The following NAALADL2 variants were observed in gnomAD, a reference collection of about 807,000 sequenced individuals.
The protein encoded by NAALADL2 is inactive N-acetylated-alpha-linked acidic dipeptidase-like protein 2.
Under a neutral mutation model 87.2 loss-of-function variants are expected in NAALADL2, and 76 were observed. The observed-to-expected ratio is 0.87, with a 90% CI of 0.72 to 1.05. The LOEUF is 1.05. NAALADL2 is among the 50% of genes least tolerant of loss of function. The pLI, the probability that NAALADL2 is intolerant of heterozygous loss-of-function variation, is 0.00. For synonymous variants in NAALADL2, 354 were observed against 331.0 expected, an observed-to-expected ratio of 1.07 and a Z score of -0.75; for missense variants, 1,089 against 945.8, an observed-to-expected ratio of 1.15 and a Z score of -1.99.
intron 4 of NAALADL2, among the ~76,000 whole-genome samples, chr3:175,312,094 G>T (rs192500501): frequency 3.3e-5 from 5 of 152,184 alleles, no homozygotes; most frequent in Admixed American, 2.0e-4. Flanking sequence ...AATCTTACAA[G>T]AATTTTTAGT....
intron 2 of NAALADL2, among the ~76,000 whole-genome samples, chr3:174,734,085 C>T (rs959968216): frequency 3.9e-5 from 6 of 152,012 alleles, no homozygotes; most frequent in Non-Finnish European, 5.9e-5. Context: ...TTTTCATTTT[C>T]GGTGTTGAGG....
chr3:174,811,481 G>A (rs1024855267), intron 3 of NAALADL2, among the ~76,000 whole-genome samples: 3 of 152,180 alleles, frequency 2.0e-5, no homozygotes, highest in African/African-American at 7.2e-5. Context: ...ACCCTGCTGG[G>A]TTTGCACTTG....
chr3:175,301,937 T>A (rs1282793893), intron 4 of NAALADL2, among the ~76,000 whole-genome samples: 1 of 152,096 alleles, frequency 6.6e-6, no homozygotes, highest in Non-Finnish European at 1.5e-5. Flanking sequence ...GTTAACTAAT[T>A]AACTCTGCTC....
Position 175,440,127 on chromosome 3 carries a change from A to G in NAALADL2, c.1091-7102A>G, listed in dbSNP as rs551240617. ...GTGGCTTGCCACTTACCCCAGCACC[A>G]TTTGTTGAATACGGTGCCCTTCCCC... On this transcript the variant is annotated intron_variant, in intron 5 of 13. Transcript: ENST00000454872. Among the ~76,000 whole-genome samples the G allele has an allele frequency of 1.8e-3, 278 of 152,246 alleles. 1 individual carries two copies. Among genetic ancestry groups the G allele is most frequent in the African/African-American group, 6.4e-3 (264 of 41,554 alleles).
rs1187052516 is a variant in NAALADL2 at position 175,324,062 on chromosome 3, G to GA, written c.940-104dup. ...AAAAAAAGAAAAAGAAAAAGAAAAA[G>GA]AAAAAAAAACTGGAAAAAGAGTCAT... On this transcript the variant is annotated intron_variant, in intron 4 of 13. Coordinates refer to ENST00000454872, the MANE Select transcript of NAALADL2 (RefSeq NM_207015.3). 3.1e-3 allele frequency: 1,924 copies of GA among 611,168 alleles called. 5 individuals are homozygous for GA. Among genetic ancestry groups the GA allele is most frequent in the African/African-American group, 0.016 (730 of 46,960 alleles). The allele number at this position is 611,168 out of a possible 1,614,324, so 37.9% of individuals were successfully genotyped here.
chr3:174,873,408 C>G (rs1361089283), intron 1 of NAALADL2, among the ~76,000 whole-genome samples: 2 of 152,030 alleles, frequency 1.3e-5, no homozygotes, highest in Non-Finnish European at 2.9e-5. Flanking sequence ...GGGCACATCA[C>G]TATGCCCAGC....
At chr3:175,137,633 T>TCTCC (rs1729318066) in intron 2 of NAALADL2, among the ~76,000 whole-genome samples, 1 of 147,934 alleles carries the variant, frequency 6.8e-6, no homozygotes, top group South Asian at 2.2e-4. Flanking sequence ...TGAGACAGAG[T>TCTCC]CTCCCTCTGT....
At position 175,309,456 on chromosome 3, in the gene NAALADL2, G is replaced by A. The variant is rs543979484; in HGVS notation, c.940-14719G>A. Among the ~76,000 whole-genome samples, 54 of 151,954 alleles carry A rather than the reference G, an allele frequency of 3.6e-4. 1 individual carries two copies. In the South Asian group the frequency reaches 7.7e-3, roughly 22 times the overall value. On this transcript the variant is annotated intron_variant, in intron 4 of 13. Transcript: ENST00000454872. ...CTGCCTTGGCCTACCAAAGTTCTGG[G>A]ATTACAGGCATGAGCCACTGTGCCC... is the stretch of plus-strand genomic sequence containing the variant.
intron 2 of NAALADL2, among the ~76,000 whole-genome samples, chr3:174,593,035 A>G (rs16862256): frequency 0.028 from 4,198 of 152,184 alleles, 182 homozygotes; most frequent in African/African-American, 0.095. Flanking sequence ...CTAACCAATC[A>G]GATAATGAGC....
At chr3:174,755,767 T>G (rs1460994072) in intron 3 of NAALADL2, among the ~76,000 whole-genome samples, 1 of 152,218 alleles carries the variant, frequency 6.6e-6, no homozygotes, top group African/African-American at 2.4e-5. Context: ...TTAATCAAAT[T>G]TAAGATGCTT....
rs2108376629 is a variant in NAALADL2, at chr3:175,806,448, A to C, written c.*3245A>C. 6.6e-6 allele frequency: 1 copy of C among 152,068 alleles called. No homozygotes were observed. Among genetic ancestry groups the C allele is most frequent in the African/African-American group, 2.4e-5 (1 of 41,550 alleles). 9.4% of individuals were successfully genotyped at this position (152,068 alleles called of 1,614,324 possible). On this transcript the variant is annotated 3_prime_UTR_variant, in exon 14 of 14. Transcript: ENST00000454872. ...AGATTTCTGGATGTCTGTTACACAC[A>C]CTGAAGTTTAAGAATTTCCAATCTA...
At chr3:175,404,377 A>T (rs1284031182) in intron 5 of NAALADL2, among the ~76,000 whole-genome samples, 1 of 152,166 alleles carries the variant, frequency 6.6e-6, no homozygotes, top group Non-Finnish European at 1.5e-5. Flanking sequence ...TGCTAATGAA[A>T]GTGCCCTATA....
At chr3:174,813,089 C>T (rs1212595310) in intron 3 of NAALADL2, among the ~76,000 whole-genome samples, 1 of 152,110 alleles carries the variant, frequency 6.6e-6, no homozygotes, top group Non-Finnish European at 1.5e-5. Context: ...ACCGCTCACT[C>T]ACTGACTCAC....
intron 1 of NAALADL2, among the ~76,000 whole-genome samples, chr3:174,862,732 A>T (rs1726652275): frequency 6.6e-6 from 1 of 152,126 alleles, no homozygotes; most frequent in African/African-American, 2.4e-5. Flanking sequence ...TAATGCTGGG[A>T]CAATCTTGTG....
intron 9 of NAALADL2, among the ~76,000 whole-genome samples, chr3:175,480,745 T>G (rs1338122812): frequency 6.6e-6 from 1 of 151,828 alleles, no homozygotes; most frequent in Non-Finnish European, 1.5e-5. Flanking sequence ...AATAATAAGG[T>G]ATTGTACAAT....
chr3:175,009,208 A>T (rs1044876317), intron 1 of NAALADL2, among the ~76,000 whole-genome samples: 1 of 152,142 alleles, frequency 6.6e-6, no homozygotes, highest in Non-Finnish European at 1.5e-5. Flanking sequence ...AGATGATGCT[A>T]ATGCTGCTGG....
chr3:174,916,622 C>T (rs1734438097), intron 1 of NAALADL2, among the ~76,000 whole-genome samples: 3 of 142,680 alleles, frequency 2.1e-5, no homozygotes, highest in African/African-American at 7.9e-5. Flanking sequence ...GAATGGAAAA[C>T]CAAATATTAT....
intron 9 of NAALADL2, among the ~76,000 whole-genome samples, chr3:175,537,268 T>C (rs1001410787): frequency 1.3e-5 from 2 of 152,322 alleles, no homozygotes; most frequent in Middle Eastern, 3.4e-3. Context: ...TTTACAAAAA[T>C]GAATTGGTAA....
At chr3:174,853,201 C>CAAA (rs34303846) in intron 3 of NAALADL2, among the ~76,000 whole-genome samples, 844 of 45,618 alleles carry the variant, frequency 0.019, 56 homozygotes, top group African/African-American at 0.052. Context: ...CCGTCTCTAC[C>CAAA]AAAAAAAAAA....
Sources: gnomAD v4.1 joint callset for allele counts (sites outside exome capture counted in the v4.1 genomes callset) on GRCh38, gnomAD v4.1.1 for gene constraint, MANE v1.5 for transcripts, NCBI Gene and HGNC (gene_info 2026-07-23, HGNC 2026-07-21) for gene names.